TTC28: variants seen among roughly 807,000 people sequenced by gnomAD.
TTC28 encodes the protein tetratricopeptide repeat domain 28, also known as tetratricopeptide repeat protein 28.
A neutral mutation model predicts 198.0 loss-of-function variants in TTC28; 61 were observed. The observed-to-expected ratio is 0.31, with a 90% CI of 0.25 to 0.38. TTC28 has a LOEUF of 0.38. TTC28 is among the 10% of genes least tolerant of loss of function. The probability of loss-of-function intolerance (pLI) is 1.00; values close to 1 mark genes in which losing one functional copy is unlikely to be tolerated. For synonymous variants in TTC28, 1,171 were observed against 1,297.8 expected (o/e 0.90, Z 2.10); for missense variants, 2,678 against 3,164.0 (o/e 0.85, Z 3.69).
In TTC28 at chr22:28,163,530, C is replaced by T; in HGVS notation, c.1003G>A (p.Ala335Thr). Residue 335 changes from alanine (A) to threonine (T), a missense_variant, in exon 6 of 23, where the codon GCC (alanine) becomes ACC (threonine). Around this residue, in one of 8 missense-constraint regions of TTC28, gnomAD observed 775 missense variants for 845.9 expected, o/e 0.92. Coordinates refer to ENST00000397906, the MANE Select transcript of TTC28 (RefSeq NM_001145418.2). ...TAIGDYPNAL[A>T]SHKQCVLLAK... The stretch of plus-strand genomic sequence containing the variant: ...AGAAGAACACACTGTTTGTGACTGG[C>T]CAGTGCATTGGGGTAGTCTCCAATG... 6.4e-7 allele frequency: 1 copy of T among 1,551,664 alleles called. No individual in the cohort carries two copies. Among genetic ancestry groups the T allele is most frequent in the Non-Finnish European group, 8.7e-7 (1 of 1,146,984 alleles).
At chr22:28,416,982 G>C (rs573915273) in intron 2 of TTC28, among the ~76,000 whole-genome samples, 2 of 152,270 alleles carry the variant, frequency 1.3e-5, no homozygotes, top group South Asian at 4.1e-4. Flanking sequence ...TTGCAAGCGA[G>C]TTTCTTTTAG....
At chr22:28,611,862 A>G (rs58049055) in intron 2 of TTC28, among the ~76,000 whole-genome samples, 20,689 of 152,068 alleles carry the variant, frequency 0.14, 1,651 homozygotes, top group African/African-American at 0.2. Context: ...AAGCAAATGC[A>G]AGAGATTTTG....
At chr22:28,001,105 G>T (rs868250879) in intron 15 of TTC28, 2 of 398,422 alleles carry the variant, frequency 5.0e-6, no homozygotes, top group Non-Finnish European at 4.7e-6. Context: ...GAGCAGCTCC[G>T]TACCCTGATG....
intron 6 of TTC28, among the ~76,000 whole-genome samples, chr22:28,149,577 C>A (rs1466668803): frequency 6.6e-6 from 1 of 152,206 alleles, no homozygotes; most frequent in Non-Finnish European, 1.5e-5. Flanking sequence ...GACATGAACA[C>A]ATACATTAGC....
intron 2 of TTC28, among the ~76,000 whole-genome samples, chr22:28,574,404 T>A (rs1158568701): frequency 6.6e-6 from 1 of 152,094 alleles, no homozygotes; most frequent in Non-Finnish European, 1.5e-5. Flanking sequence ...GTGTTCCACA[T>A]TTTCTTTATC....
chr22:28,018,244 AGT>A (rs138612299), intron 13 of TTC28, among the ~76,000 whole-genome samples: 3,476 of 114,770 alleles, frequency 0.03, 69 homozygotes, highest in African/African-American at 0.05. Context: ...GCTGCTATTC[AGT>A]GTGTGTGTGT....
At position 28,657,023 on chromosome 22, in the gene TTC28, A is replaced by C. The variant is rs947691534; in HGVS notation, c.102+22599T>G. On this transcript the variant is annotated intron_variant, in intron 1 of 22. Coordinates refer to ENST00000397906, the MANE Select transcript of TTC28 (RefSeq NM_001145418.2). ...TACTTTATTATGCTACACACACACA[A>C]AAAAAGAAAAAATAGTATACAGGTA... Among the ~76,000 whole-genome samples the C allele has an allele frequency of 4.6e-5, 7 of 152,358 alleles. No individual in the cohort carries two copies. In the East Asian group the frequency reaches 9.6e-4, roughly 21 times the overall value.
At chr22:28,196,723 T>C (rs181129188) in intron 5 of TTC28, among the ~76,000 whole-genome samples, 22 of 151,646 alleles carry the variant, frequency 1.5e-4, no homozygotes, top group African/African-American at 5.3e-4. Flanking sequence ...GAAATGCAAA[T>C]CAAAACCACA....
At chr22:28,013,804 G>A (rs1222140259) in intron 14 of TTC28, among the ~76,000 whole-genome samples, 1 of 152,078 alleles carries the variant, frequency 6.6e-6, no homozygotes, top group Non-Finnish European at 1.5e-5. Context: ...CATCCCCGAG[G>A]CATCTGCTAG....
At chr22:28,449,259 C>T (rs1356121288) in intron 2 of TTC28, among the ~76,000 whole-genome samples, 1 of 152,178 alleles carries the variant, frequency 6.6e-6, no homozygotes, top group Non-Finnish European at 1.5e-5. Context: ...GTAGGGAACA[C>T]AGCATGAGCC....
chr22:28,045,363 T>C (rs1050003456), intron 12 of TTC28, among the ~76,000 whole-genome samples: 7 of 152,182 alleles, frequency 4.6e-5, no homozygotes, highest in Non-Finnish European at 8.8e-5. Context: ...CTGGAGCATT[T>C]TGGATTTTTG....
intron 2 of TTC28, among the ~76,000 whole-genome samples, chr22:28,422,894 A>G (rs960021466): frequency 6.6e-6 from 1 of 152,218 alleles, no homozygotes; most frequent in Non-Finnish European, 1.5e-5. Flanking sequence ...AACATTATCA[A>G]TAATTCCTAA....
At chr22:28,184,347 T>A (rs1046787946) in intron 5 of TTC28, among the ~76,000 whole-genome samples, 3 of 152,126 alleles carry the variant, frequency 2.0e-5, no homozygotes, top group Non-Finnish European at 2.9e-5. Context: ...CTGCCCTCCT[T>A]CTTCCTCATT....
intron 12 of TTC28, among the ~76,000 whole-genome samples, chr22:28,070,415 T>C (rs1398205357): frequency 1.3e-5 from 2 of 152,178 alleles, no homozygotes; most frequent in Admixed American, 6.5e-5. Context: ...GCCTAACAAA[T>C]AGATTTTTTT....
intron 12 of TTC28, among the ~76,000 whole-genome samples, chr22:28,092,074 A>G (rs1941831963): frequency 6.6e-6 from 1 of 152,196 alleles, no homozygotes; most frequent in Non-Finnish European, 1.5e-5. Context: ...TCCCTTGTTC[A>G]GGTCCCATGC....
chr22:28,094,293 G>A (rs1941905604), intron 11 of TTC28, 48 bp from the exon 12 acceptor site: 1 of 1,464,312 alleles, frequency 6.8e-7, no homozygotes. Context: ...TAGGGTCAGA[G>A]AAAGGAGAAG....
At chr22:28,022,354 T>C (rs775853554) in intron 13 of TTC28, among the ~76,000 whole-genome samples, 9 of 152,224 alleles carry the variant, frequency 5.9e-5, no homozygotes, top group Non-Finnish European at 1.0e-4. Flanking sequence ...TGGCTGCCAT[T>C]TCTCAGCCCG....
At chr22:28,590,034 C>CAAAAA (rs71194779) in intron 2 of TTC28, among the ~76,000 whole-genome samples, 23 of 68,056 alleles carry the variant, frequency 3.4e-4, no homozygotes, top group Non-Finnish European at 4.3e-4. Flanking sequence ...AAGACTCCAT[C>CAAAAA]AAAAAAAAAA....
chr22:28,422,325 A>G (rs146601343), intron 2 of TTC28, among the ~76,000 whole-genome samples: 46 of 152,356 alleles, frequency 3.0e-4, no homozygotes, highest in Admixed American at 2.0e-3. Flanking sequence ...TTGAACCTAC[A>G]TAACGCAATA....
Sources: allele counts gnomAD v4.1 joint callset (sites outside exome capture counted in the v4.1 genomes callset), GRCh38; gene constraint gnomAD v4.1.1; regional missense constraint gnomAD v4.1.1; transcripts MANE v1.5; gene names NCBI Gene and HGNC (gene_info 2026-07-23, HGNC 2026-07-21).